Variants in SNTB1 observed in about 807,000 individuals in gnomAD.
SNTB1 encodes the protein beta-1-syntrophin.
Under a neutral mutation model 48.9 loss-of-function variants are expected in SNTB1, and 36 were observed. The observed-to-expected ratio is 0.74, with a 90% confidence interval of 0.56 to 0.97. SNTB1 has a LOEUF of 0.97. SNTB1 is among the 50% of genes least tolerant of loss of function. The probability of loss-of-function intolerance (pLI) is 0.00; values close to 1 mark genes in which losing one functional copy is unlikely to be tolerated. For missense variants in SNTB1, 786 were observed against 703.4 expected (o/e 1.12, Z -1.33); for synonymous variants, 299 against 294.6 (o/e 1.01, Z -0.15).
chr8:120,615,765 A>G (rs1028860697), intron 3 of SNTB1, among the ~76,000 whole-genome samples: 1 of 152,182 alleles, frequency 6.6e-6, no homozygotes, highest in Non-Finnish European at 1.5e-5. Flanking sequence ...ACGGAGGTAA[A>G]AAGATTACAG....
intron 2 of SNTB1, among the ~76,000 whole-genome samples, chr8:120,649,160 C>T (rs1307269656): frequency 0.013 from 2,019 of 150,766 alleles, 55 homozygotes; most frequent in African/African-American, 0.046. Context: ...GCCTTCTTCT[C>T]TCAGCTCGTC....
Position 120,798,692 on chromosome 8 carries a change from G to A in SNTB1, c.571+12581C>T, listed in dbSNP as rs184173667. On this transcript the variant is annotated intron_variant, in intron 1 of 6. Coordinates refer to ENST00000517992, the MANE Select transcript of SNTB1 (RefSeq NM_021021.4). ...ATTCCAAGAAGTTTTTAAAAATCTG[G>A]TATAGGTGGCCCAAAATATTGTCTT... 2.0e-3 allele frequency among the ~76,000 whole-genome samples: 298 copies of A among 152,116 alleles called. 1 individual carries two copies. Among genetic ancestry groups the A allele is most frequent in the Non-Finnish European group, 2.2e-3 (149 of 67,960 alleles).
Position 120,540,899 on chromosome 8 carries a change from C to T in SNTB1, c.1524+911G>A, listed in dbSNP as rs532510740. On this transcript the variant is annotated intron_variant, in intron 6 of 6. Transcript: ENST00000517992. ...TGCAATTCTGAGAGATAAAAAGTCC[C>T]TAGGGTCTGTTAGGTGTGTTCTGCC... 5.3e-5 allele frequency among the ~76,000 whole-genome samples: 8 copies of T among 152,244 alleles called. No individual in the cohort carries two copies. The East Asian group carries it at 1.5e-3, about 29-fold the overall frequency.
At chr8:120,572,771 C>T (rs954746563) in intron 4 of SNTB1, among the ~76,000 whole-genome samples, 29 of 130,630 alleles carry the variant, frequency 2.2e-4, no homozygotes, top group Admixed American at 3.7e-4. Flanking sequence ...AAAAATTAGC[C>T]GGGCGTGGTG....
intron 4 of SNTB1, among the ~76,000 whole-genome samples, chr8:120,567,345 C>T (rs1815769396): frequency 6.6e-6 from 1 of 151,892 alleles, no homozygotes; most frequent in Non-Finnish European, 1.5e-5. Flanking sequence ...CTAATAGAAT[C>T]CACCTAAAGC....
intron 2 of SNTB1, among the ~76,000 whole-genome samples, chr8:120,680,572 T>G (rs1817914256): frequency 6.6e-6 from 1 of 152,172 alleles, no homozygotes; most frequent in Admixed American, 6.5e-5. Context: ...ATTTCACATG[T>G]GTCAAAAGAA....
At chr8:120,710,969 C>T (rs1818453385) in intron 1 of SNTB1, among the ~76,000 whole-genome samples, 1 of 152,130 alleles carries the variant, frequency 6.6e-6, no homozygotes, top group African/African-American at 2.4e-5. Context: ...AAAACAATCA[C>T]CAGAAAATAT....
In SNTB1 at chr8:120,563,302, T is replaced by C. The variant is rs76442365; in HGVS notation, c.1136+11784A>G. ...CAAGTGAGCATACCTTTTTTTTTTT[T>C]AATGTTCAGCAATATCAAATAAACT... On this transcript the variant is annotated intron_variant, in intron 4 of 6. Transcript: ENST00000517992. 8.1e-3 allele frequency among the ~76,000 whole-genome samples: 1,228 copies of C among 152,044 alleles called. 21 individuals are homozygous for C. The highest frequency in any genetic ancestry group is 0.028 in the African/African-American group (1,180 of 41,450).
At chr8:120,784,200 G>A (rs1819878166) in intron 1 of SNTB1, among the ~76,000 whole-genome samples, 1 of 151,896 alleles carries the variant, frequency 6.6e-6, no homozygotes, top group African/African-American at 2.4e-5. Flanking sequence ...CACCATGTTG[G>A]CCAGGCTGGT....
At chr8:120,759,509 C>A (rs762119347) in intron 1 of SNTB1, among the ~76,000 whole-genome samples, 11 of 152,084 alleles carry the variant, frequency 7.2e-5, no homozygotes, top group Admixed American at 2.0e-4. Flanking sequence ...ACAAAGTATG[C>A]GTGTTTGAAA....
intron 1 of SNTB1, among the ~76,000 whole-genome samples, chr8:120,716,261 A>G (rs1480752476): frequency 6.6e-6 from 1 of 152,246 alleles, no homozygotes; most frequent in Admixed American, 6.5e-5. Context: ...TATTCTGTGC[A>G]GAGTTCCATT....
chr8:120,549,355 C>T (rs2130652536), intron 4 of SNTB1, among the ~76,000 whole-genome samples: 1 of 152,286 alleles, frequency 6.6e-6, no homozygotes, highest in South Asian at 2.1e-4. Context: ...AGGCTTCACT[C>T]CCCTGTGTCT....
intron 2 of SNTB1, among the ~76,000 whole-genome samples, chr8:120,667,000 G>A (rs150941335): frequency 0.014 from 2,102 of 151,930 alleles, 52 homozygotes; most frequent in African/African-American, 0.048. Context: ...TAACATCCAT[G>A]TCAGTTCTGG....
In SNTB1 at chr8:120,799,439, T is replaced by C. The variant is rs79206032; in HGVS notation, c.571+11834A>G. On this transcript the variant is annotated intron_variant, in intron 1 of 6. Coordinates refer to ENST00000517992, the MANE Select transcript of SNTB1 (RefSeq NM_021021.4). The stretch of plus-strand genomic sequence containing the variant: ...TGCTCAGACAGACAAGCAAAGATAA[T>C]GTGTCTACAAAACAACAAGAGGATG... 4.1e-3 allele frequency among the ~76,000 whole-genome samples: 623 copies of C among 151,982 alleles called. 3 individuals are homozygous for C. The highest frequency in any genetic ancestry group is 0.013 in the African/African-American group (532 of 41,458).
In SNTB1 at chr8:120,541,912, A is replaced by C; in HGVS notation, c.1422T>G (p.Phe474Leu). 6.2e-7 allele frequency: 1 copy of C among 1,613,992 alleles called. No individual in the cohort carries two copies. The change falls in exon 6 of 7, where the codon TTT becomes TTG. Residue 474 changes from phenylalanine to leucine, a missense_variant. Coordinates refer to ENST00000517992, the MANE Select transcript of SNTB1 (RefSeq NM_021021.4). ...AAGGAGACTGTATGATGGTCTTGGG[A>C]AAGGCACCCTCCTGTGGTTCAGTGG... Reference protein sequence around the residue: ...SITTEPQEGAFPKTIIQSPYE... With the variant: ...SITTEPQEGALPKTIIQSPYE...
intron 3 of SNTB1, among the ~76,000 whole-genome samples, chr8:120,617,314 A>C (rs1216167316): frequency 1.3e-5 from 2 of 152,044 alleles, no homozygotes; most frequent in Non-Finnish European, 2.9e-5. Context: ...ATTATAACTC[A>C]TGTGGTTCTT....
chr8:120,741,540 C>A (rs533483329), intron 1 of SNTB1, among the ~76,000 whole-genome samples: 5 of 152,088 alleles, frequency 3.3e-5, no homozygotes, highest in African/African-American at 1.2e-4. Context: ...ACTTGGGAGG[C>A]GGAGGTTGCA....
chr8:120,689,338 G>A (rs552899583), intron 2 of SNTB1, among the ~76,000 whole-genome samples: 4 of 152,284 alleles, frequency 2.6e-5, no homozygotes, highest in East Asian at 1.9e-4. Context: ...TAGTTCAGGC[G>A]AGCTGCTCTG....
At chr8:120,585,099 G>A (rs1816117688) in intron 3 of SNTB1, among the ~76,000 whole-genome samples, 1 of 152,188 alleles carries the variant, frequency 6.6e-6, no homozygotes, top group South Asian at 2.1e-4. Flanking sequence ...TGTTATGGCA[G>A]CCCTAACAAG....
Sources: allele counts gnomAD v4.1 joint callset (sites outside exome capture counted in the v4.1 genomes callset), GRCh38; gene constraint gnomAD v4.1.1; transcripts MANE v1.5; gene names NCBI Gene and HGNC (gene_info 2026-07-23, HGNC 2026-07-21).